TRPM8: variants seen among roughly 807,000 people sequenced by gnomAD.
TRPM8 encodes transient receptor potential cation channel subfamily M member 8.
In TRPM8, 110 loss-of-function variants were observed where a neutral mutation model predicts 133.7. The ratio of observed to expected loss-of-function variants is 0.82; its 90% CI spans 0.70 to 0.96. The LOEUF (loss-of-function observed/expected upper bound fraction) is 0.96, where lower values mean the gene tolerates loss of function less well. Ranked by LOEUF, TRPM8 falls within the 40% of genes least tolerant of loss-of-function variation. The pLI, the probability that TRPM8 is intolerant of heterozygous loss-of-function variation, is 0.00. For synonymous variants in TRPM8, 535 were observed against 532.3 expected, an observed-to-expected ratio of 1.01 and a Z score of -0.07; for missense variants, 1,291 against 1,379.5, an observed-to-expected ratio of 0.94 and a Z score of 1.02.
At chr2:233,923,286 T>G (rs1574684646) in intron 1 of TRPM8, among the ~76,000 whole-genome samples, 1 of 152,258 alleles carries the variant, frequency 6.6e-6, no homozygotes, top group African/African-American at 2.4e-5. Context: ...TCTTTCTTTA[T>G]CTTGGGGAAG....
chr2:233,936,866 T>A (rs1484329517), intron 3 of TRPM8, among the ~76,000 whole-genome samples: 6 of 149,604 alleles, frequency 4.0e-5, no homozygotes, highest in Non-Finnish European at 8.9e-5. Flanking sequence ...GGATAAAACA[T>A]CAAACTAGTT....
chr2:233,990,949 T>C (rs181656147), intron 21 of TRPM8, among the ~76,000 whole-genome samples: 3 of 152,232 alleles, frequency 2.0e-5, no homozygotes, highest in East Asian at 1.9e-4. Flanking sequence ...ACAAACAGCA[T>C]GGAGAGGCTA....
intron 24 of TRPM8, among the ~76,000 whole-genome samples, chr2:234,010,151 GCCCCAGCGAC>G (rs1019574835): frequency 6.0e-4 from 91 of 151,972 alleles, no homozygotes; most frequent in Admixed American, 1.5e-3. Context: ...CTCCTTCTTA[GCCCCAGCGAC>G]CACCGTGCTA....
At chr2:233,976,155 G>A (rs28902196) in intron 17 of TRPM8, among the ~76,000 whole-genome samples, 91 of 152,314 alleles carry the variant, frequency 6.0e-4, no homozygotes, top group African/African-American at 2.2e-3. Flanking sequence ...CCCCTATGGA[G>A]CATTCTACCA....
At chr2:233,960,727 A>G in intron 11 of TRPM8, 49 bp from the exon 12 acceptor site, 3 of 1,514,456 alleles carry the variant, frequency 2.0e-6, no homozygotes, top group Non-Finnish European at 1.8e-6. Context: ...TGCTTTCCTT[A>G]CCATATTTTT....
chr2:233,971,660 GATGTTCGGAT>G (rs1433213555), intron 17 of TRPM8, among the ~76,000 whole-genome samples: 2 of 152,100 alleles, frequency 1.3e-5, no homozygotes, highest in Admixed American at 1.3e-4. Context: ...TGTTCCTTCT[GATGTTCGGAT>G]GTGTTCGGAG....
chr2:234,015,751 C>T (rs1387591776), intron 25 of TRPM8, among the ~76,000 whole-genome samples: 2 of 152,142 alleles, frequency 1.3e-5, no homozygotes, highest in East Asian at 1.9e-4. Flanking sequence ...AGCCTTCTGA[C>T]GTGCTCAAGA....
At chr2:233,937,188 A>G in intron 3 of TRPM8, 165 bp from the exon 4 acceptor site, 1 of 810,984 alleles carries the variant, frequency 1.2e-6, no homozygotes. Flanking sequence ...GAGCCACCGC[A>G]CCCGTCCACA....
chr2:233,956,709 G>A (rs1479210415), intron 11 of TRPM8, among the ~76,000 whole-genome samples: 1 of 152,182 alleles, frequency 6.6e-6, no homozygotes, highest in Non-Finnish European at 1.5e-5. Context: ...GTTTTAATGA[G>A]AGCAGCATAA....
rs1307862397 is a variant in TRPM8 at position 233,917,413 on chromosome 2, G to A, written c.-25G>A. The A allele has an allele frequency of 6.6e-6, 1 of 152,150 alleles. No homozygotes were observed. Among genetic ancestry groups the A allele is most frequent in the Non-Finnish European group, 1.5e-5 (1 of 68,030 alleles). 9.4% of individuals were successfully genotyped at this position (152,150 alleles called of 1,614,324 possible). ...CCTTGGGTGAAAGAAAATCCTGCTT[G>A]ACAAAAACCGTCACTTAGGGTATGT... is the stretch of plus-strand genomic sequence containing the variant. On this transcript the variant is annotated 5_prime_UTR_variant, in exon 1 of 26. Transcript: ENST00000324695.
rs535482482 is a variant in TRPM8 at position 233,945,934 on chromosome 2, T to G, written c.778T>G (p.Leu260Val). 1.2e-6 allele frequency: 2 copies of G among 1,614,160 alleles called. No individual in the cohort carries two copies. The highest frequency in any genetic ancestry group is 1.3e-5 in the African/African-American group (1 of 75,036). Residue 260 changes from leucine to valine, a missense_variant, in exon 7 of 26, where the codon TTG (leucine) becomes GTG (valine). By Grantham distance (32) the Leu-to-Val change is conservative. Around this residue, in one of 2 missense-constraint regions of TRPM8, gnomAD observed 963 missense variants for 968.9 expected, o/e 0.99. Coordinates refer to ENST00000324695, the MANE Select transcript of TRPM8 (RefSeq NM_024080.5). ...LYILDNNHTH[L>V]LLVDNGCHGH... ...TATCCTGGACAACAACCACACACAT[T>G]TGCTGCTCGTGGACAATGGCTGTCA... is the stretch of plus-strand genomic sequence containing the variant.
Position 233,947,120 on chromosome 2 carries a change from T to C in TRPM8, c.907T>C (p.Cys303Arg), listed in dbSNP as rs1411532240. ...CTATGGTGGCAAGATCCCCATTGTG[T>C]GTTTTGCCCAAGGAGGTGGAAAAGA... ...SNYGGKIPIV[C>R]FAQGGGKETL... Residue 303 changes from cysteine (C) to arginine (R), a missense_variant, in exon 8 of 26, where the codon TGT (cysteine) becomes CGT (arginine). Cys to Arg is a radical substitution (Grantham distance 180). Transcript: ENST00000324695. 2 of 1,614,170 alleles carry C rather than the reference T, an allele frequency of 1.2e-6. No individual in the cohort carries two copies. The highest frequency in any genetic ancestry group is 2.2e-5 in the South Asian group (2 of 91,082).
intron 1 of TRPM8, among the ~76,000 whole-genome samples, chr2:233,918,834 T>C (rs939772345): frequency 1.3e-5 from 2 of 151,952 alleles, no homozygotes; most frequent in Non-Finnish European, 2.9e-5. Context: ...AAAATAAGAG[T>C]GGAGGAGATC....
intron 1 of TRPM8, among the ~76,000 whole-genome samples, chr2:233,925,275 G>C (rs1691493088): frequency 6.6e-6 from 1 of 152,246 alleles, no homozygotes; most frequent in South Asian, 2.1e-4. Context: ...GGCCCTGGAA[G>C]TCTAGTGGTG....
intron 21 of TRPM8, among the ~76,000 whole-genome samples, chr2:233,992,046 G>A (rs1010727424): frequency 2.0e-5 from 3 of 152,198 alleles, no homozygotes; most frequent in Non-Finnish European, 4.4e-5. Context: ...TTTTCATATG[G>A]ATCTGGCAGA....
chr2:233,937,737 T>A (rs1173336689), intron 4 of TRPM8, among the ~76,000 whole-genome samples: 1 of 152,210 alleles, frequency 6.6e-6, no homozygotes, highest in Non-Finnish European at 1.5e-5. Context: ...CCTAGCCTCC[T>A]GTGTCCACAC....
chr2:233,919,691 C>A (rs1230769170), intron 1 of TRPM8, among the ~76,000 whole-genome samples: 2 of 151,776 alleles, frequency 1.3e-5, no homozygotes, highest in Admixed American at 6.6e-5. Flanking sequence ...TATTTTATTA[C>A]AAGTACAGTG....
chr2:233,997,982 A>G (rs867286861), intron 22 of TRPM8, among the ~76,000 whole-genome samples: 13 of 152,134 alleles, frequency 8.5e-5, no homozygotes, highest in Non-Finnish European at 7.4e-5. Context: ...AAGCCAGACA[A>G]TCTTCCTAGC....
At chr2:233,934,356 G>A (rs1224154977) in intron 3 of TRPM8, among the ~76,000 whole-genome samples, 1 of 152,188 alleles carries the variant, frequency 6.6e-6, no homozygotes, top group Admixed American at 6.5e-5. Flanking sequence ...GACGGGAGCA[G>A]CTCTTTTGGT....
Sources: allele counts gnomAD v4.1 joint callset (sites outside exome capture counted in the v4.1 genomes callset), GRCh38; gene constraint gnomAD v4.1.1; regional missense constraint gnomAD v4.1.1; transcripts MANE v1.5; gene names NCBI Gene and HGNC (gene_info 2026-07-23, HGNC 2026-07-21).